ZMAT4: variants seen among roughly 807,000 people sequenced by gnomAD.
ZMAT4 encodes zinc finger matrin-type 4.
ZMAT4 carries 17 observed loss-of-function variants against 28.7 expected under a neutral mutation model. The observed-to-expected ratio is 0.59, with a 90% CI of 0.41 to 0.89. The LOEUF (loss-of-function observed/expected upper bound fraction) is 0.89, where lower values mean the gene tolerates loss of function less well. Ranked by LOEUF, ZMAT4 falls within the 40% of genes least tolerant of loss-of-function variation. The probability of loss-of-function intolerance (pLI) is 0.00; values close to 1 mark genes in which losing one functional copy is unlikely to be tolerated. For synonymous variants in ZMAT4, 117 were observed against 109.2 expected, an observed-to-expected ratio of 1.07 and a Z score of -0.44; for missense variants, 240 against 283.8, an observed-to-expected ratio of 0.85 and a Z score of 1.11.
At chr8:40,706,548 G>C (rs1810360189) in intron 3 of ZMAT4, among the ~76,000 whole-genome samples, 1 of 152,028 alleles carries the variant, frequency 6.6e-6, no homozygotes, top group African/African-American at 2.4e-5. Context: ...CGAATTCATG[G>C]ACACACTGGC....
At chr8:40,750,423 C>T (rs1194875901) in intron 3 of ZMAT4, among the ~76,000 whole-genome samples, 1 of 152,098 alleles carries the variant, frequency 6.6e-6, no homozygotes, top group Non-Finnish European at 1.5e-5. Context: ...AGAGTGAAGA[C>T]TCACGGTGCT....
intron 3 of ZMAT4, among the ~76,000 whole-genome samples, chr8:40,719,568 TTTTTTTG>T (rs1251724751): frequency 2.0e-5 from 3 of 152,132 alleles, no homozygotes; most frequent in Non-Finnish European, 4.4e-5. Flanking sequence ...CTCAAGGCCC[TTTTTTTG>T]TTTTTTGTTT....
chr8:40,843,724 A>G (rs762570023), intron 1 of ZMAT4, among the ~76,000 whole-genome samples: 5 of 152,206 alleles, frequency 3.3e-5, no homozygotes, highest in Non-Finnish European at 7.3e-5. Context: ...CACACCTGAG[A>G]CTGCTCCTTG....
intron 1 of ZMAT4, among the ~76,000 whole-genome samples, chr8:40,866,427 T>C (rs1395669878): frequency 6.6e-6 from 1 of 152,232 alleles, no homozygotes; most frequent in Non-Finnish European, 1.5e-5. Context: ...CAACAAACAA[T>C]GTGGCACACA....
chr8:40,833,990 A>G (rs754249111), intron 1 of ZMAT4, among the ~76,000 whole-genome samples: 1 of 152,196 alleles, frequency 6.6e-6, no homozygotes, highest in Non-Finnish European at 1.5e-5. Context: ...TCCCCACACC[A>G]CTGCCTTCTC....
At chr8:40,631,915 C>G (rs1237753514) in intron 5 of ZMAT4, among the ~76,000 whole-genome samples, 2 of 152,200 alleles carry the variant, frequency 1.3e-5, no homozygotes, top group African/African-American at 4.8e-5. Flanking sequence ...TTCAAATACT[C>G]AGACGAAACC....
chr8:40,848,048 T>C (rs140273913), intron 1 of ZMAT4, among the ~76,000 whole-genome samples: 1 of 152,352 alleles, frequency 6.6e-6, no homozygotes, highest in East Asian at 1.9e-4. Flanking sequence ...GCGGTTTATC[T>C]GCTGGAACAC....
intron 1 of ZMAT4, among the ~76,000 whole-genome samples, chr8:40,840,983 G>A (rs896481780): frequency 1.3e-5 from 2 of 152,182 alleles, no homozygotes; most frequent in Non-Finnish European, 2.9e-5. Context: ...GCACCCGGGG[G>A]AGTTCTTCGG....
intron 6 of ZMAT4, among the ~76,000 whole-genome samples, chr8:40,549,726 C>T (rs1028462415): frequency 1.1e-4 from 17 of 151,968 alleles, no homozygotes; most frequent in African/African-American, 4.1e-4. Flanking sequence ...AATATGTCCA[C>T]TAACTGATTT....
At position 40,543,092 on chromosome 8, in the gene ZMAT4, C is replaced by CT. The variant is rs111802848; in HGVS notation, c.675-10855dup. The stretch of plus-strand genomic sequence containing the variant: ...ACAGATAGAGTGAATTCTATGCTAA[C>CT]TTTTTTTTTTTCTCCTTCAGGCTCA... On this transcript the variant is annotated intron_variant, in intron 6 of 6. Transcript: ENST00000297737. Among the ~76,000 whole-genome samples, 242 of 149,490 alleles carry CT rather than the reference C, an allele frequency of 1.6e-3. 1 individual carries two copies. The highest frequency in any genetic ancestry group is 5.2e-3 in the African/African-American group (213 of 40,878).
At chr8:40,758,571 A>C (rs1213309360) in intron 3 of ZMAT4, among the ~76,000 whole-genome samples, 1 of 152,216 alleles carries the variant, frequency 6.6e-6, no homozygotes, top group Non-Finnish European at 1.5e-5. Flanking sequence ...ACAATGTCTA[A>C]TTTAAAATTC....
intron 4 of ZMAT4, among the ~76,000 whole-genome samples, chr8:40,681,337 A>G (rs1222762485): frequency 6.6e-6 from 1 of 152,248 alleles, no homozygotes; most frequent in Non-Finnish European, 1.5e-5. Flanking sequence ...TTTTTCTAAA[A>G]AACACTTTTT....
At chr8:40,610,123 T>C (rs1805740824) in intron 5 of ZMAT4, among the ~76,000 whole-genome samples, 1 of 152,212 alleles carries the variant, frequency 6.6e-6, no homozygotes, top group Admixed American at 6.5e-5. Flanking sequence ...TTCCAGTCTT[T>C]GAAAACAAAC....
At chr8:40,878,382 C>T (rs1239609213) in intron 1 of ZMAT4, among the ~76,000 whole-genome samples, 1 of 151,980 alleles carries the variant, frequency 6.6e-6, no homozygotes, top group Non-Finnish European at 1.5e-5. Flanking sequence ...GACATCTGCA[C>T]TAAAAGAAAA....
chr8:40,710,117 A>G (rs1333536875), intron 3 of ZMAT4, among the ~76,000 whole-genome samples: 1 of 152,010 alleles, frequency 6.6e-6, no homozygotes, highest in Non-Finnish European at 1.5e-5. Context: ...TAATTAAGAT[A>G]AATAGAACCA....
chr8:40,618,576 A>G, intron 5 of ZMAT4, among the ~76,000 whole-genome samples: 1 of 152,182 alleles, frequency 6.6e-6, no homozygotes, highest in Non-Finnish European at 1.5e-5. Context: ...CTTTAAATCC[A>G]AGCTACCAAT....
At chr8:40,849,798 T>G (rs899975847) in intron 1 of ZMAT4, among the ~76,000 whole-genome samples, 1 of 152,184 alleles carries the variant, frequency 6.6e-6, no homozygotes, top group African/African-American at 2.4e-5. Context: ...GTGACCACTA[T>G]CTGCTCAATT....
At chr8:40,756,426 T>TTACATATA in intron 3 of ZMAT4, among the ~76,000 whole-genome samples, 1 of 73,276 alleles carries the variant, frequency 1.4e-5, no homozygotes, top group Non-Finnish European at 2.4e-5. Context: ...AAATGTTCTT[T>TTACATATA]TATATATATA....
chr8:40,842,076 C>G (rs937206026), intron 1 of ZMAT4, among the ~76,000 whole-genome samples: 8 of 152,196 alleles, frequency 5.3e-5, no homozygotes, highest in African/African-American at 9.7e-5. Context: ...CTTCCCTCCC[C>G]CAAGCCCCAC....
Sources: gnomAD v4.1 joint callset for allele counts (sites outside exome capture counted in the v4.1 genomes callset) on GRCh38, gnomAD v4.1.1 for gene constraint, MANE v1.5 for transcripts, NCBI Gene and HGNC (gene_info 2026-07-23, HGNC 2026-07-21) for gene names.